SHANK2: variants seen among roughly 807,000 people sequenced by gnomAD.
The protein encoded by SHANK2 is SH3 and multiple ankyrin repeat domains 2.
Under a neutral mutation model 133.7 loss-of-function variants are expected in SHANK2, and 43 were observed. That is an observed-to-expected ratio of 0.32 (90% CI 0.25 to 0.41). The LOEUF (loss-of-function observed/expected upper bound fraction) is 0.41, where lower values mean the gene tolerates loss of function less well. Among genes scored for constraint, SHANK2 ranks in the 10% least tolerant of loss-of-function variants. The pLI is 1.00. For synonymous variants in SHANK2, 1,017 were observed against 952.8 expected, an observed-to-expected ratio of 1.07 and a Z score of -1.24; for missense variants, 1,994 against 2,235.8, an observed-to-expected ratio of 0.89 and a Z score of 2.18.
chr11:70,541,480 G>A (rs1266581296), intron 17 of SHANK2, among the ~76,000 whole-genome samples: 8 of 152,230 alleles, frequency 5.3e-5, no homozygotes, highest in African/African-American at 1.2e-4. Flanking sequence ...TGGCAGGCAC[G>A]AGCCAGCTAG....
At chr11:70,707,875 C>T (rs1945699571) in intron 14 of SHANK2, among the ~76,000 whole-genome samples, 1 of 152,222 alleles carries the variant, frequency 6.6e-6, no homozygotes, top group African/African-American at 2.4e-5. Flanking sequence ...TGTACCACCT[C>T]ACCCCACGCC....
intron 2 of SHANK2, among the ~76,000 whole-genome samples, chr11:71,202,401 G>A (rs755371267): frequency 9.2e-5 from 14 of 152,192 alleles, no homozygotes; most frequent in Non-Finnish European, 1.0e-4. Flanking sequence ...CCTGGCGGGT[G>A]GGCAGGTGAC....
chr11:70,706,378 G>T (rs528884171), intron 14 of SHANK2, among the ~76,000 whole-genome samples: 1 of 152,096 alleles, frequency 6.6e-6, no homozygotes, highest in Non-Finnish European at 1.5e-5. Context: ...ATATTCCACC[G>T]TTGGCCACGT....
chr11:71,208,856 G>C (rs1271024970), intron 2 of SHANK2, among the ~76,000 whole-genome samples: 1 of 152,152 alleles, frequency 6.6e-6, no homozygotes, highest in Non-Finnish European at 1.5e-5. Context: ...CTCTGACTTA[G>C]AGCAGAGGTT....
intron 2 of SHANK2, among the ~76,000 whole-genome samples, chr11:71,223,703 G>A (rs1276516488): frequency 6.6e-6 from 1 of 152,172 alleles, no homozygotes; most frequent in Non-Finnish European, 1.5e-5. Context: ...AAGATCTCAT[G>A]GTGCACACAA....
At chr11:70,818,246 A>C (rs1052723267) in intron 12 of SHANK2, among the ~76,000 whole-genome samples, 2 of 152,186 alleles carry the variant, frequency 1.3e-5, no homozygotes, top group African/African-American at 2.4e-5. Flanking sequence ...CAGCATGCAC[A>C]CAGGCAAATG....
intron 14 of SHANK2, among the ~76,000 whole-genome samples, chr11:70,731,261 G>A (rs1446641292): frequency 6.6e-6 from 1 of 152,172 alleles, no homozygotes; most frequent in Non-Finnish European, 1.5e-5. Flanking sequence ...GCAAGCCAAG[G>A]AGCGAGGCCT....
intron 6 of SHANK2, among the ~76,000 whole-genome samples, chr11:71,102,868 G>A (rs1313575815): frequency 1.3e-5 from 2 of 152,240 alleles, no homozygotes; most frequent in Non-Finnish European, 2.9e-5. Flanking sequence ...AGATCCCAGA[G>A]GCTAGGTGGC....
chr11:70,823,405 GCGTTGGCAGAACTCGGGGGACAGAGGTGT>G, intron 11 of SHANK2, among the ~76,000 whole-genome samples: 2 of 144,384 alleles, frequency 1.4e-5, no homozygotes, highest in Non-Finnish European at 1.5e-5. Context: ...GACAGAGGTG[GCGTTGGCAGAACTCGGGGGACAGAGGTGT>G]CATTGGCAGA....
At chr11:71,142,502 A>G (rs1398581098) in intron 3 of SHANK2, among the ~76,000 whole-genome samples, 2 of 152,194 alleles carry the variant, frequency 1.3e-5, no homozygotes, top group Non-Finnish European at 2.9e-5. Flanking sequence ...CTCTCTTTCA[A>G]TAAAAACAAA....
chr11:70,677,674 C>T (rs542635676), intron 15 of SHANK2, among the ~76,000 whole-genome samples: 21 of 152,276 alleles, frequency 1.4e-4, no homozygotes, highest in African/African-American at 4.6e-4. Context: ...GGCAGGGAAC[C>T]CTCAGAGCAC....
chr11:70,822,129 C>A (rs1948537279), intron 11 of SHANK2, among the ~76,000 whole-genome samples: 3 of 152,222 alleles, frequency 2.0e-5, no homozygotes, highest in Admixed American at 2.0e-4. Flanking sequence ...CAGAAACCAC[C>A]ATCACTGGGG....
intron 10 of SHANK2, among the ~76,000 whole-genome samples, chr11:70,919,023 G>C (rs1365905668): frequency 1.3e-5 from 2 of 151,976 alleles, no homozygotes; most frequent in Non-Finnish European, 2.9e-5. Context: ...AATGTACCGG[G>C]TGTGGTGGTA....
At chr11:70,770,835 A>G (rs1183695557) in intron 14 of SHANK2, among the ~76,000 whole-genome samples, 3 of 151,428 alleles carry the variant, frequency 2.0e-5, no homozygotes, top group African/African-American at 7.3e-5. Flanking sequence ...TAACAGGCAC[A>G]GTTAATCTGT....
chr11:71,240,046 C>A (rs1297213944), intron 1 of SHANK2, among the ~76,000 whole-genome samples: 2 of 152,176 alleles, frequency 1.3e-5, no homozygotes, highest in African/African-American at 2.4e-5. Flanking sequence ...GATACTAATT[C>A]TAGACTGCTT....
At chr11:71,154,060 T>C (rs1410702245) in intron 2 of SHANK2, among the ~76,000 whole-genome samples, 4 of 152,204 alleles carry the variant, frequency 2.6e-5, no homozygotes, top group Admixed American at 1.3e-4. Flanking sequence ...AAGGTTTTTA[T>C]TGATATGGAA....
At chr11:71,213,429 T>C (rs1954328200) in intron 2 of SHANK2, among the ~76,000 whole-genome samples, 1 of 152,224 alleles carries the variant, frequency 6.6e-6, no homozygotes, top group African/African-American at 2.4e-5. Context: ...AGTTTCACTT[T>C]ACTCTTCCCT....
At chr11:70,504,697 T>A (rs544811572) in intron 17 of SHANK2, among the ~76,000 whole-genome samples, 1 of 152,232 alleles carries the variant, frequency 6.6e-6, no homozygotes, top group Non-Finnish European at 1.5e-5. Context: ...AGGTGACTCC[T>A]GGGGGCTGTT....
intron 14 of SHANK2, among the ~76,000 whole-genome samples, chr11:70,770,587 G>C (rs1591829413): frequency 2.0e-5 from 3 of 152,228 alleles, no homozygotes; most frequent in African/African-American, 7.2e-5. Context: ...CGGGTCCTCA[G>C]ATGCAATTCT....
Sources: allele counts gnomAD v4.1 joint callset (sites outside exome capture counted in the v4.1 genomes callset), GRCh38; gene constraint gnomAD v4.1.1; transcripts MANE v1.5; gene names NCBI Gene and HGNC (gene_info 2026-07-23, HGNC 2026-07-21).